ABHD12: variants seen among roughly 807,000 people sequenced by gnomAD.
The protein encoded by ABHD12 is lysophosphatidylserine lipase ABHD12.
A neutral mutation model predicts 58.3 loss-of-function variants in ABHD12; 43 were observed. The ratio of observed to expected loss-of-function variants is 0.74; its 90% confidence interval spans 0.58 to 0.95. ABHD12 has a LOEUF of 0.95. Among genes scored for constraint, ABHD12 ranks in the 40% least tolerant of loss-of-function variants. The pLI is 0.00. For synonymous variants in ABHD12, 219 were observed against 211.2 expected, an observed-to-expected ratio of 1.04 and a Z score of -0.32; for missense variants, 539 against 537.2, an observed-to-expected ratio of 1.00 and a Z score of -0.03.
chr20:25,302,273 A>C lies in ABHD12; in HGVS notation c.1103T>G (p.Leu368Arg), dbSNP rs748330820. Residue 368 changes from leucine (L) to arginine (R), a missense_variant, in exon 12 of 13, where the codon CTT becomes CGT. Coordinates refer to ENST00000339157, the MANE Select transcript of ABHD12 (RefSeq NM_001042472.3). ...GTAAATGTATTTGTGCCTGTAGCCA[A>C]GGTCTGAATGAAAGGGCACAAACTG... ...KVQFVPFHSDLGYRHKYIYKS... is the reference protein window; with the variant it reads ...KVQFVPFHSDRGYRHKYIYKS... 1 of 1,613,866 alleles carries C rather than the reference A, an allele frequency of 6.2e-7. No individual in the cohort carries two copies.
chr20:25,325,899 C>A (rs1166483697), intron 2 of ABHD12, among the ~76,000 whole-genome samples: 1 of 151,662 alleles, frequency 6.6e-6, no homozygotes, highest in Admixed American at 6.6e-5. Flanking sequence ...GGCAAAACCC[C>A]GTCTCTACTA....
chr20:25,334,994 A>G (rs1483190908), intron 2 of ABHD12, among the ~76,000 whole-genome samples: 1 of 152,162 alleles, frequency 6.6e-6, no homozygotes, highest in African/African-American at 2.4e-5. Context: ...ACAGCAAAAG[A>G]AACTACCATC....
At chr20:25,329,177 C>T (rs1240096489) in intron 2 of ABHD12, among the ~76,000 whole-genome samples, 2 of 152,222 alleles carry the variant, frequency 1.3e-5, no homozygotes, top group Non-Finnish European at 2.9e-5. Flanking sequence ...GTCCACCCTG[C>T]CCAGGCCCCT....
downstream of ABHD12, chr20:25,296,414 C>A: frequency 6.2e-7 from 1 of 1,614,074 alleles, no homozygotes. Context: ...ACATCGCCTG[C>A]TCGGGCAAGT....
At chr20:25,328,111 A>G (rs1180499839) in intron 2 of ABHD12, among the ~76,000 whole-genome samples, 4 of 152,132 alleles carry the variant, frequency 2.6e-5, no homozygotes, top group African/African-American at 9.7e-5. Flanking sequence ...CTGGAAAAAA[A>G]AAAAAAAGAA....
chr20:25,385,733 G>C (rs1274362757), intron 1 of ABHD12, among the ~76,000 whole-genome samples: 1 of 152,158 alleles, frequency 6.6e-6, no homozygotes, highest in African/African-American at 2.4e-5. Flanking sequence ...ACCAGGCTTA[G>C]ACAGTTTTAC....
At chr20:25,298,028 T>G (rs1379022469), downstream of ABHD12, 1 of 111,938 alleles carries the variant, frequency 8.9e-6, no homozygotes. Context: ...GGTCTGTGTT[T>G]CACTAACTAA....
chr20:25,364,148 A>G (rs982580658), intron 1 of ABHD12, among the ~76,000 whole-genome samples: 1 of 152,110 alleles, frequency 6.6e-6, no homozygotes, highest in African/African-American at 2.4e-5. Context: ...CCATACTAAG[A>G]CTCTCCTAAA....
intron 1 of ABHD12, among the ~76,000 whole-genome samples, chr20:25,340,578 C>T (rs978182314): frequency 1.3e-5 from 2 of 152,232 alleles, no homozygotes; most frequent in African/African-American, 2.4e-5. Flanking sequence ...CAGGGGCACA[C>T]CTGCAGGACC....
chr20:25,342,275 T>C (rs368088868), intron 1 of ABHD12, among the ~76,000 whole-genome samples: 18 of 152,186 alleles, frequency 1.2e-4, no homozygotes, highest in African/African-American at 4.1e-4. Flanking sequence ...TGCAACCACG[T>C]AGATGAATCT....
At chr20:25,299,707 C>T (rs1422743103), downstream of ABHD12, among the ~76,000 whole-genome samples, 4 of 152,136 alleles carry the variant, frequency 2.6e-5, no homozygotes, top group Non-Finnish European at 4.4e-5. Flanking sequence ...CGTGGGTCCC[C>T]GGCTCAGATG....
chr20:25,380,455 A>G (rs2090009599), intron 1 of ABHD12, among the ~76,000 whole-genome samples: 1 of 152,112 alleles, frequency 6.6e-6, no homozygotes, highest in African/African-American at 2.4e-5. Context: ...TATCACTGCT[A>G]AGAAAACTCA....
chr20:25,300,231 T>C lies in ABHD12; in HGVS notation c.*614A>G, dbSNP rs1600756146. On this transcript the variant is annotated 3_prime_UTR_variant, in exon 13 of 13. Transcript: ENST00000339157. Reference sequence around the variant, plus strand: ...GACAAAAGGACCACCACCACGATTTTATTCTTAAATAAAGCTCAGTCTAAG... The same window carrying C: ...GACAAAAGGACCACCACCACGATTTCATTCTTAAATAAAGCTCAGTCTAAG... 1.9e-5 allele frequency: 19 copies of C among 998,140 alleles called. No homozygotes were observed. Among genetic ancestry groups the C allele is most frequent in the Non-Finnish European group, 2.3e-5 (19 of 836,786 alleles). The allele number at this position is 998,140 out of a possible 1,614,324, so 61.8% of individuals were successfully genotyped here.
intron 1 of ABHD12, among the ~76,000 whole-genome samples, chr20:25,356,860 C>G (rs2500445): frequency 6.6e-6 from 1 of 152,038 alleles, no homozygotes; most frequent in Admixed American, 6.5e-5. Context: ...ACAATGAGGC[C>G]GCACAGTGCA....
exon 13 of ABHD12, chr20:25,294,869 C>T (rs532762698): frequency 1.9e-5 from 26 of 1,338,500 alleles, no homozygotes; most frequent in South Asian, 9.4e-5. Context: ...AAGTTGAATC[C>T]GGCGAGGGCT....
At chr20:25,343,184 T>C (rs1281940121) in intron 1 of ABHD12, among the ~76,000 whole-genome samples, 1 of 152,232 alleles carries the variant, frequency 6.6e-6, no homozygotes, top group Non-Finnish European at 1.5e-5. Context: ...TGAACATGCC[T>C]GTTTCTATTA....
intron 1 of ABHD12, chr20:25,339,735 C>A (rs1160093458): frequency 3.0e-6 from 4 of 1,345,050 alleles, no homozygotes; most frequent in African/African-American, 3.0e-5. Context: ...CCTCCCGATC[C>A]GTCTTCTGTG....
intron 2 of ABHD12, among the ~76,000 whole-genome samples, chr20:25,336,634 C>T (rs143318069): frequency 1.4e-3 from 216 of 152,266 alleles, no homozygotes; most frequent in African/African-American, 4.8e-3. Context: ...TCCTCGGCGA[C>T]GCAGACAGGC....
chr20:25,303,747 TG>T, intron 10 of ABHD12, 119 bp from the exon 11 acceptor site: 1 of 1,412,574 alleles, frequency 7.1e-7, no homozygotes, highest in East Asian at 2.5e-5. Flanking sequence ...TGATTTCTGC[TG>T]GATTTCTTTT....
Sources: allele counts gnomAD v4.1 joint callset (sites outside exome capture counted in the v4.1 genomes callset), GRCh38; gene constraint gnomAD v4.1.1; transcripts MANE v1.5; gene names NCBI Gene and HGNC (gene_info 2026-07-23, HGNC 2026-07-21).